The following CDK14 variants were observed in gnomAD, a reference collection of about 807,000 sequenced individuals.
CDK14 encodes the protein cyclin dependent kinase 14.
In CDK14, 34 loss-of-function variants were observed where a neutral mutation model predicts 60.7. That is an observed-to-expected ratio of 0.56 (90% CI 0.43 to 0.75). The LOEUF is 0.75. Ranked by LOEUF, CDK14 falls within the 30% of genes least tolerant of loss-of-function variation. CDK14 has a pLI of 0.00. For missense variants in CDK14, 482 were observed against 564.1 expected (o/e 0.85, Z 1.47); for synonymous variants, 197 against 203.7 (o/e 0.97, Z 0.28).
chr7:90,999,241 C>T (rs1231646891), intron 10 of CDK14, among the ~76,000 whole-genome samples: 2 of 151,980 alleles, frequency 1.3e-5, no homozygotes, highest in African/African-American at 2.4e-5. Flanking sequence ...AAATGCCAGG[C>T]TATGAAGCAG....
intron 12 of CDK14, among the ~76,000 whole-genome samples, chr7:91,082,382 C>T (rs1187524094): frequency 3.9e-5 from 6 of 152,176 alleles, no homozygotes; most frequent in African/African-American, 7.2e-5. Context: ...ACAAGAAGCA[C>T]GTCTACAGAC....
At chr7:90,806,230 A>G (rs1432199394) in intron 5 of CDK14, among the ~76,000 whole-genome samples, 4 of 152,202 alleles carry the variant, frequency 2.6e-5, no homozygotes, top group Middle Eastern at 3.2e-3. Context: ...TTACACAAAT[A>G]TTTCATAGAT....
intron 1 of CDK14, among the ~76,000 whole-genome samples, chr7:90,600,380 G>C: frequency 6.6e-6 from 1 of 152,082 alleles, no homozygotes; most frequent in East Asian, 1.9e-4. Context: ...GTAATATCCG[G>C]TGTATGATTA....
chr7:90,743,604 A>T (rs112981846), intron 3 of CDK14, among the ~76,000 whole-genome samples: 2,338 of 152,182 alleles, frequency 0.015, 21 homozygotes, highest in Middle Eastern at 0.027. Context: ...CTTGTCTTTC[A>T]TTATCACTTC....
intron 6 of CDK14, among the ~76,000 whole-genome samples, chr7:90,871,958 G>A (rs1048967927): frequency 5.9e-5 from 9 of 152,212 alleles, no homozygotes; most frequent in Non-Finnish European, 1.3e-4. Context: ...TTGGGGAACA[G>A]AAACACAGCT....
At chr7:91,088,553 C>T (rs1798705392) in intron 12 of CDK14, among the ~76,000 whole-genome samples, 1 of 147,870 alleles carries the variant, frequency 6.8e-6, no homozygotes, top group Non-Finnish European at 1.5e-5. Context: ...ATGGAAGTCT[C>T]ATAGAGTTTA....
intron 2 of CDK14, among the ~76,000 whole-genome samples, chr7:90,680,886 A>G (rs1182134210): frequency 1.3e-5 from 2 of 152,228 alleles, no homozygotes; most frequent in Non-Finnish European, 2.9e-5. Flanking sequence ...CTTGTAGGGC[A>G]AACAAGATTT....
intron 2 of CDK14, among the ~76,000 whole-genome samples, chr7:90,658,597 T>A (rs1352509431): frequency 2.0e-5 from 3 of 152,222 alleles, no homozygotes; most frequent in African/African-American, 7.2e-5. Context: ...ATTTAACATG[T>A]TTTCAAGGTA....
chr7:90,888,490 A>G (rs1255358918), intron 6 of CDK14, among the ~76,000 whole-genome samples: 1 of 152,164 alleles, frequency 6.6e-6, no homozygotes, highest in East Asian at 1.9e-4. Flanking sequence ...AGTCAGCAAA[A>G]GTTATTTCAG....
chr7:90,678,729 A>G (rs1801253534), intron 2 of CDK14, among the ~76,000 whole-genome samples: 1 of 152,130 alleles, frequency 6.6e-6, no homozygotes, highest in African/African-American at 2.4e-5. Flanking sequence ...CTCAGAAATC[A>G]TAATTGGTTC....
intron 5 of CDK14, among the ~76,000 whole-genome samples, chr7:90,798,368 C>G (rs546787189): frequency 6.6e-6 from 1 of 152,190 alleles, no homozygotes; most frequent in Non-Finnish European, 1.5e-5. Context: ...ATTAATACTT[C>G]TGGAAGTCCA....
intron 7 of CDK14, among the ~76,000 whole-genome samples, chr7:90,904,169 G>A (rs892582023): frequency 2.6e-5 from 4 of 152,084 alleles, no homozygotes; most frequent in Admixed American, 6.6e-5. Context: ...GACTTGGCAT[G>A]GAGAGCTTTA....
intron 8 of CDK14, among the ~76,000 whole-genome samples, chr7:90,926,657 C>T (rs1314780715): frequency 6.6e-6 from 1 of 152,126 alleles, no homozygotes; most frequent in East Asian, 1.9e-4. Context: ...TGGGTTATTT[C>T]CCCACACCAA....
chr7:91,142,095 GT>G (rs201991092), intron 14 of CDK14, among the ~76,000 whole-genome samples: 11,040 of 152,152 alleles, frequency 0.073, 758 homozygotes, highest in African/African-American at 0.17. Flanking sequence ...TAGTGCTGGG[GT>G]TTACAGGCAT....
At chr7:90,747,564 G>GA (rs1053982094) in intron 3 of CDK14, 117 bp from the exon 4 acceptor site, 20 of 637,120 alleles carry the variant, frequency 3.1e-5, no homozygotes, top group African/African-American at 2.1e-4. Context: ...ATGTATGCCA[G>GA]AAAAAACAGT....
At chr7:91,163,930 A>G (rs6465303) in intron 14 of CDK14, among the ~76,000 whole-genome samples, 65,593 of 152,046 alleles carry the variant, frequency 0.43, 15,868 homozygotes, top group African/African-American at 0.67. Flanking sequence ...TTAAGGCTTT[A>G]GGGTCCAAGG....
chr7:90,746,717 T>C (rs1803606527), intron 3 of CDK14, among the ~76,000 whole-genome samples: 1 of 152,140 alleles, frequency 6.6e-6, no homozygotes, highest in Non-Finnish European at 1.5e-5. Flanking sequence ...TAGTTAAAGT[T>C]GGGGTGGGAG....
chr7:90,842,921 G>A (rs1790344944), intron 5 of CDK14, among the ~76,000 whole-genome samples: 2 of 151,892 alleles, frequency 1.3e-5, no homozygotes, highest in African/African-American at 4.8e-5. Flanking sequence ...TCTTTCATAG[G>A]AATGCCAAAC....
rs571272434 is a variant in CDK14 at position 90,598,695 on chromosome 7, T to A, written c.91+1977T>A. The stretch of plus-strand genomic sequence containing the variant: ...TTAAAACCAGTGAACTCATTCTGAT[T>A]ATCTAAGGATTTTTTTTTTTTTTTT... On this transcript the variant is annotated intron_variant, in intron 1 of 14. Coordinates refer to ENST00000380050, the MANE Select transcript of CDK14 (RefSeq NM_001287135.2). Among the ~76,000 whole-genome samples the A allele has an allele frequency of 8.1e-5, 9 of 111,628 alleles. No individual in the cohort carries two copies. The East Asian group carries it at 2.4e-3, about 30-fold the overall frequency. The allele number at this position is 111,628 out of a possible 152,430, so 73.2% of individuals were successfully genotyped here.
Sources: gnomAD v4.1 joint callset for allele counts (sites outside exome capture counted in the v4.1 genomes callset) on GRCh38, gnomAD v4.1.1 for gene constraint, MANE v1.5 for transcripts, NCBI Gene and HGNC (gene_info 2026-07-23, HGNC 2026-07-21) for gene names.